MCM5: variants seen among roughly 807,000 people sequenced by gnomAD.
MCM5 encodes the protein DNA replication licensing factor MCM5.
Under a neutral mutation model 79.9 loss-of-function variants are expected in MCM5, and 46 were observed. The observed-to-expected ratio is 0.58, with a 90% CI of 0.45 to 0.74. MCM5 has a LOEUF of 0.74. Among genes scored for constraint, MCM5 ranks in the 30% least tolerant of loss-of-function variants. The pLI is 0.00. For synonymous variants in MCM5, 404 were observed against 390.5 expected (o/e 1.03, Z -0.41); for missense variants, 883 against 1,017.0 (o/e 0.87, Z 1.79).
the MCM5 span, among the ~76,000 whole-genome samples, chr22:35,450,467 G>A: frequency 1.3e-5 from 2 of 152,136 alleles, no homozygotes; most frequent in Non-Finnish European, 2.9e-5. Flanking sequence ...TCCAGGGGAG[G>A]AAGCGCTGTC....
intron 4 of MCM5, among the ~76,000 whole-genome samples, chr22:35,406,296 A>ACCCCCCCCCCC (rs758388958): frequency 8.3e-6 from 1 of 120,920 alleles, no homozygotes; most frequent in Non-Finnish European, 1.7e-5. Flanking sequence ...TTGCCCTGCC[A>ACCCCCCCCCCC]CCTCCCCCCC....
intron 1 of MCM5, 69 bp from the exon 2 acceptor site, chr22:35,400,362 C>T: frequency 1.3e-6 from 2 of 1,576,868 alleles, no homozygotes; most frequent in Admixed American, 1.7e-5. Context: ...GGCAGGGACC[C>T]AGGCGTCGGA....
At chr22:35,452,520 C>T in the MCM5 span, among the ~76,000 whole-genome samples, 1 of 152,200 alleles carries the variant, frequency 6.6e-6, no homozygotes, top group Non-Finnish European at 1.5e-5. Context: ...GGTAAAGTGA[C>T]GCTAAGGATC....
chr22:35,441,421 G>T, the MCM5 span, among the ~76,000 whole-genome samples: 1 of 152,184 alleles, frequency 6.6e-6, no homozygotes, highest in Non-Finnish European at 1.5e-5. Context: ...AGGCTCTCTG[G>T]GTGCCCCCCC....
At chr22:35,419,788 G>A in intron 13 of MCM5, 96 bp from the exon 14 acceptor site, 2 of 1,329,084 alleles carry the variant, frequency 1.5e-6, no homozygotes, top group East Asian at 2.6e-5. Context: ...TGGTGGGAAA[G>A]TGCATGTCTG....
At position 35,416,389 on chromosome 22, in the gene MCM5, C is replaced by G. The variant is rs754078562; in HGVS notation, c.1398C>G (p.Thr466=). 2 of 1,612,640 alleles carry G rather than the reference C, an allele frequency of 1.2e-6. No individual in the cohort carries two copies. Among genetic ancestry groups the G allele is most frequent in the Non-Finnish European group, 1.7e-6 (2 of 1,179,994 alleles). The change falls in exon 11 of 17, where the codon ACC becomes ACG. Residue 466 remains threonine, a synonymous_variant. Coordinates refer to ENST00000216122, the MANE Select transcript of MCM5 (RefSeq NM_006739.4). ...TCCACGAAGCCATGGAGCAGCAGAC[C>G]ATCTCTATCGCCAAGGTGAGTGGCC... ...VAIHEAMEQQ[T]ISIAKAGITT...
chr22:35,443,758 C>T, the MCM5 span, among the ~76,000 whole-genome samples: 2 of 152,200 alleles, frequency 1.3e-5, no homozygotes, highest in African/African-American at 4.8e-5. Flanking sequence ...TTCCAGTCTG[C>T]CAGGTGCTTG....
the MCM5 span, among the ~76,000 whole-genome samples, chr22:35,431,670 C>CGCA: frequency 6.6e-6 from 1 of 152,104 alleles, no homozygotes; most frequent in Non-Finnish European, 1.5e-5. Context: ...GCTTCTAGCA[C>CGCA]GCAGCCCTAA....
rs571191548 is a variant in MCM5, at chr22:35,400,355, A to T, written c.-8-76A>T. On this transcript the variant is annotated intron_variant, in intron 1 of 16. Coordinates refer to ENST00000216122, the MANE Select transcript of MCM5 (RefSeq NM_006739.4). ...GGTCCCCCTGCTCCGGACTCAGGGC[A>T]GGGACCCAGGCGTCGGAGGGGAGGA... 3.2e-6 allele frequency: 5 copies of T among 1,554,506 alleles called. No homozygotes were observed. In the East Asian group the frequency reaches 1.1e-4, roughly 35 times the overall value.
At chr22:35,452,156 A>C in the MCM5 span, among the ~76,000 whole-genome samples, 1 of 152,054 alleles carries the variant, frequency 6.6e-6, no homozygotes, top group Non-Finnish European at 1.5e-5. Context: ...CTTGGGCATC[A>C]CTTGACCTAG....
intron 2 of MCM5, chr22:35,401,521 C>T (rs1932051897): frequency 2.1e-6 from 1 of 466,516 alleles, no homozygotes; most frequent in African/African-American, 2.0e-5. Flanking sequence ...GCCTCTATCC[C>T]TGAAATGTTA....
At chr22:35,427,024 ATGT>A (rs916785912), downstream of MCM5, among the ~76,000 whole-genome samples, 3 of 152,222 alleles carry the variant, frequency 2.0e-5, no homozygotes, top group Non-Finnish European at 4.4e-5. Flanking sequence ...AACTAAGACC[ATGT>A]TGCTTGTCCT....
intron 9 of MCM5, 131 bp downstream of exon 9, chr22:35,414,117 C>T (rs1011572327): frequency 4.9e-5 from 31 of 632,750 alleles, no homozygotes; most frequent in South Asian, 3.1e-4. Flanking sequence ...CTCTTGGCTG[C>T]GGTCAGGATG....
intron 4 of MCM5, 111 bp downstream of exon 4, chr22:35,403,653 C>G: frequency 7.5e-7 from 1 of 1,334,080 alleles, no homozygotes; most frequent in Non-Finnish European, 1.0e-6. Flanking sequence ...CTGAACCTGT[C>G]TCCTCCTGGA....
chr22:35,452,731 G>C, the MCM5 span, among the ~76,000 whole-genome samples: 2 of 152,020 alleles, frequency 1.3e-5, no homozygotes, highest in African/African-American at 4.8e-5. Flanking sequence ...CGACTCCTCC[G>C]CTGGGGTGGT....
chr22:35,446,242 T>G, the MCM5 span, among the ~76,000 whole-genome samples: 1 of 152,326 alleles, frequency 6.6e-6, no homozygotes, highest in African/African-American at 2.4e-5. Flanking sequence ...AAAGCAGCCC[T>G]AATAAGGGTA....
chr22:35,448,226 T>C, the MCM5 span, among the ~76,000 whole-genome samples: 1 of 152,158 alleles, frequency 6.6e-6, no homozygotes, highest in African/African-American at 2.4e-5. Flanking sequence ...CCTCGTACAG[T>C]GGTCATGAGG....
chr22:35,409,683 G>C (rs1350315092), intron 6 of MCM5: 2 of 152,196 alleles, frequency 1.3e-5, no homozygotes, highest in East Asian at 1.9e-4. Flanking sequence ...GTTCTAACCT[G>C]GGCTTGCATA....
At chr22:35,425,959 C>T (rs1032495422), downstream of MCM5, among the ~76,000 whole-genome samples, 3 of 152,144 alleles carry the variant, frequency 2.0e-5, no homozygotes, top group African/African-American at 7.2e-5. Flanking sequence ...CTCCGAACTC[C>T]ACCCATGTCA....
Sources: gnomAD v4.1 joint callset for allele counts (sites outside exome capture counted in the v4.1 genomes callset) on GRCh38, gnomAD v4.1.1 for gene constraint, MANE v1.5 for transcripts, NCBI Gene and HGNC (gene_info 2026-07-23, HGNC 2026-07-21) for gene names.